FRS2: variants seen among roughly 807,000 people sequenced by gnomAD.
The protein encoded by FRS2 is fibroblast growth factor receptor substrate 2.
In FRS2, 8 loss-of-function variants were observed where a neutral mutation model predicts 43.9. That is an observed-to-expected ratio of 0.18 (90% CI 0.11 to 0.33). The LOEUF (loss-of-function observed/expected upper bound fraction) is 0.33, where lower values mean the gene tolerates loss of function less well. Among genes scored for constraint, FRS2 ranks in the 10% least tolerant of loss-of-function variants. The pLI, the probability that FRS2 is intolerant of heterozygous loss-of-function variation, is 1.00. For synonymous variants in FRS2, 219 were observed against 220.3 expected (o/e 0.99, Z 0.05); for missense variants, 534 against 627.6 (o/e 0.85, Z 1.59).
intron 1 of FRS2, among the ~76,000 whole-genome samples, chr12:69,503,171 T>C (rs145517167): frequency 6.6e-6 from 1 of 152,322 alleles, no homozygotes; most frequent in African/African-American, 2.4e-5. Context: ...GTCTTGTTTC[T>C]TTGTTGGCTG....
At chr12:69,484,855 A>C (rs1871687072) in intron 1 of FRS2, among the ~76,000 whole-genome samples, 1 of 152,138 alleles carries the variant, frequency 6.6e-6, no homozygotes, top group Non-Finnish European at 1.5e-5. Flanking sequence ...AAATAACAAA[A>C]CAACAAGAAA....
chr12:69,526,970 G>T (rs1034491503), intron 1 of FRS2, among the ~76,000 whole-genome samples: 1 of 152,058 alleles, frequency 6.6e-6, no homozygotes, highest in African/African-American at 2.4e-5. Context: ...TGATCCACCC[G>T]CCTTGGCCTC....
chr12:69,520,901 T>C (rs941329693), intron 1 of FRS2, among the ~76,000 whole-genome samples: 1 of 152,244 alleles, frequency 6.6e-6, no homozygotes, highest in East Asian at 1.9e-4. Flanking sequence ...ATATTTGGGC[T>C]TTTTTTGTGG....
chr12:69,504,875 G>T (rs1873783174), intron 1 of FRS2, among the ~76,000 whole-genome samples: 2 of 152,126 alleles, frequency 1.3e-5, no homozygotes, highest in Non-Finnish European at 1.5e-5. Flanking sequence ...GTCACCTAGG[G>T]TGAAGTACAG....
At chr12:69,496,281 A>C (rs915973186) in intron 1 of FRS2, among the ~76,000 whole-genome samples, 4 of 152,030 alleles carry the variant, frequency 2.6e-5, no homozygotes, top group African/African-American at 4.8e-5. Context: ...CTAAAAATAC[A>C]AAAAAATTAG....
At chr12:69,550,240 A>G (rs990508905) in intron 3 of FRS2, among the ~76,000 whole-genome samples, 3 of 152,162 alleles carry the variant, frequency 2.0e-5, no homozygotes, top group African/African-American at 7.2e-5. Flanking sequence ...AGTCTAATCA[A>G]TCATCAGGTG....
chr12:69,553,098 G>A (rs1228475287), intron 3 of FRS2, among the ~76,000 whole-genome samples: 1 of 152,020 alleles, frequency 6.6e-6, no homozygotes, highest in Non-Finnish European at 1.5e-5. Context: ...CGGAGTCTCA[G>A]TCTCACTCTG....
intron 1 of FRS2, among the ~76,000 whole-genome samples, chr12:69,473,450 A>C (rs1370779288): frequency 2.6e-5 from 4 of 152,208 alleles, no homozygotes; most frequent in Admixed American, 2.0e-4. Flanking sequence ...TGATGTGAGC[A>C]GAAGTGTGGA....
chr12:69,520,922 G>A lies in FRS2; in HGVS notation c.-260-9943G>A, dbSNP rs1056392066. Among the ~76,000 whole-genome samples, 6 of 152,058 alleles carry A rather than the reference G, an allele frequency of 3.9e-5. No homozygotes were observed. In the East Asian group the frequency reaches 5.8e-4, roughly 15 times the overall value. On this transcript the variant is annotated intron_variant, in intron 1 of 8. Coordinates refer to ENST00000549921, the MANE Select transcript of FRS2 (RefSeq NM_001278356.2). ...GGGCTTTTTTTGTGGTGGTTGTTCC[G>A]TATAAATTAAAAAATTTTTTTTTCT...
chr12:69,544,394 T>TA lies in FRS2; in HGVS notation c.-122+12345dup, dbSNP rs1487214638. On this transcript the variant is annotated intron_variant, in intron 3 of 8. Transcript: ENST00000549921. ...CAAAATTCAGCATTCTTTCATGATT[T>TA]AAAAAAACACTAAAACTAGAAGTAA... is the stretch of plus-strand genomic sequence containing the variant. Among the ~76,000 whole-genome samples the TA allele has an allele frequency of 6.6e-5, 10 of 152,162 alleles. No homozygotes were observed. In the East Asian group the frequency reaches 1.7e-3, roughly 26 times the overall value.
intron 1 of FRS2, among the ~76,000 whole-genome samples, chr12:69,485,801 C>T (rs1157308024): frequency 6.6e-6 from 1 of 152,192 alleles, no homozygotes; most frequent in Non-Finnish European, 1.5e-5. Flanking sequence ...TACTAAGATT[C>T]ACACACTGTA....
chr12:69,477,963 A>G (rs150210658), intron 1 of FRS2, among the ~76,000 whole-genome samples: 1,833 of 150,876 alleles, frequency 0.012, 43 homozygotes, highest in African/African-American at 0.042. Flanking sequence ...GGATGGTCTC[A>G]ATCTCCTGAC....
intron 4 of FRS2, among the ~76,000 whole-genome samples, chr12:69,565,035 C>CTGCGCAAACGTCATAGAGTGTACT (rs1453484972): frequency 2.6e-5 from 4 of 152,214 alleles, no homozygotes; most frequent in Admixed American, 2.0e-4. Flanking sequence ...AGTTTCGTCA[C>CTGCGCAAACGTCATAGAGTGTACT]TGCGCAAACG....
chr12:69,520,026 A>G (rs1373067698), intron 1 of FRS2, among the ~76,000 whole-genome samples: 1 of 152,212 alleles, frequency 6.6e-6, no homozygotes, highest in Non-Finnish European at 1.5e-5. Flanking sequence ...ACTCTCACCA[A>G]CTGTATATAA....
intron 1 of FRS2, among the ~76,000 whole-genome samples, chr12:69,507,241 CAGG>C (rs1171418940): frequency 1.2e-4 from 19 of 152,304 alleles, no homozygotes; most frequent in Admixed American, 4.6e-4. Context: ...TCCTTGAGTG[CAGG>C]AGGAGTATGC....
At position 69,560,263 on chromosome 12, in the gene FRS2, A is replaced by G. The variant is rs188834981; in HGVS notation, c.-121-1917A>G. Among the ~76,000 whole-genome samples, 21 of 152,306 alleles carry G rather than the reference A, an allele frequency of 1.4e-4. No homozygotes were observed. In the East Asian group the frequency reaches 3.9e-3, roughly 28 times the overall value. On this transcript the variant is annotated intron_variant, in intron 3 of 8. Coordinates refer to ENST00000549921, the MANE Select transcript of FRS2 (RefSeq NM_001278356.2). ...ATAATGCCTTGTCTTTTAAAATGCT[A>G]TTAATTTTCGAAATATCTTTATATC...
chr12:69,574,343 G>A lies in FRS2; in HGVS notation c.915G>A (p.Val305=), dbSNP rs763929067. The change falls in exon 9 of 9, where the codon GTG becomes GTA. Residue 305 remains valine, a synonymous_variant. Transcript: ENST00000549921. ...ATGCACCCTCTGTTAACAAACTGGT[G>A]TATGAAAATATAAATGGGCTATCTA... ...RRDAPSVNKL[V]YENINGLSIP... 7 of 1,613,870 alleles carry A rather than the reference G, an allele frequency of 4.3e-6. No homozygotes were observed. In the African/African-American group the frequency reaches 8.0e-5, roughly 18 times the overall value.
At position 69,470,500 on chromosome 12, in the gene FRS2, G is replaced by T. The variant is rs61757959; in HGVS notation, c.-291G>T. On this transcript the variant is annotated 5_prime_UTR_variant, in exon 1 of 9. Coordinates refer to ENST00000549921, the MANE Select transcript of FRS2 (RefSeq NM_001278356.2). ...TGGGGGTTCGCGCCCGCCGACCCGC[G>T]CCCTGCTCCCTCTCAGCACCTGGGC... 5.0e-5 allele frequency: 20 copies of T among 398,678 alleles called. No individual in the cohort carries two copies. Among genetic ancestry groups the T allele is most frequent in the African/African-American group, 3.1e-4 (15 of 48,744 alleles). The allele number at this position is 398,678 out of a possible 1,614,324, so 24.7% of individuals were successfully genotyped here.
At chr12:69,484,086 C>CTTTTCTTTCTTT (rs1565716060) in intron 1 of FRS2, among the ~76,000 whole-genome samples, 2 of 145,688 alleles carry the variant, frequency 1.4e-5, no homozygotes, top group Non-Finnish European at 3.1e-5. Context: ...ATTGGAAAAG[C>CTTTTCTTTCTTT]TTTTCTTTCT....
Sources: allele counts gnomAD v4.1 joint callset (sites outside exome capture counted in the v4.1 genomes callset), GRCh38; gene constraint gnomAD v4.1.1; transcripts MANE v1.5; gene names NCBI Gene and HGNC (gene_info 2026-07-23, HGNC 2026-07-21).